Variants in RGMA observed in about 807,000 individuals in gnomAD.
RGMA encodes repulsive guidance molecule BMP co-receptor a.
Under a neutral mutation model 23.2 loss-of-function variants are expected in RGMA, and 10 were observed. That is an observed-to-expected ratio of 0.43 (90% CI 0.27 to 0.73). RGMA has a LOEUF of 0.73. RGMA is among the 30% of genes least tolerant of loss of function. RGMA has a pLI of 0.20. For missense variants in RGMA, 547 were observed against 630.5 expected, an observed-to-expected ratio of 0.87 and a Z score of 1.42; for synonymous variants, 308 against 279.3, an observed-to-expected ratio of 1.10 and a Z score of -1.03.
intron 1 of RGMA, among the ~76,000 whole-genome samples, chr15:93,084,815 A>G (rs1435017393): frequency 1.3e-5 from 2 of 152,222 alleles, no homozygotes; most frequent in Non-Finnish European, 2.9e-5. Context: ...GGAGAGACAC[A>G]TCATGGTGCA....
At chr15:93,050,298 T>C (rs4778079) in intron 3 of RGMA, among the ~76,000 whole-genome samples, 30,444 of 152,228 alleles carry the variant, frequency 0.2, 4,448 homozygotes, top group East Asian at 0.77. Context: ...AACGGAGGCC[T>C]GACAGACAGG....
chr15:93,050,104 G>A (rs1429416023), intron 3 of RGMA, among the ~76,000 whole-genome samples: 2 of 152,230 alleles, frequency 1.3e-5, no homozygotes, highest in Admixed American at 6.5e-5. Context: ...CAGAGCCAAG[G>A]CTCCCAATGG....
intron 1 of RGMA, chr15:93,088,640 T>TGTAA (rs1248148932): frequency 9.7e-7 from 1 of 1,025,914 alleles, no homozygotes; most frequent in Non-Finnish European, 1.3e-6. Context: ...CCGCACACGG[T>TGTAA]GTAAGGGACG....
In RGMA at chr15:93,045,107, T is replaced by C. The variant is rs773833544; in HGVS notation, c.1244A>G (p.Glu415Gly). The stretch of plus-strand genomic sequence containing the variant: ...CCTGCCTGGCAGGTCCCGAGTCCTC[T>C]CATACAGGTGCAGTTTGTCTTTGTT... ...HSNKDKLHLY[E>G]RTRDLPGRAA... Residue 415 changes from glutamate to glycine, a missense_variant, in exon 4 of 4, where the codon GAG becomes GGG. Physicochemically the swap from Glu to Gly is moderately conservative, Grantham distance 98. Transcript: ENST00000329082. The surrounding 1 kb of genome is among the most constrained non-coding windows in gnomAD (Gnocchi z 6.9). The C allele has an allele frequency of 6.3e-6, 10 of 1,587,966 alleles. No homozygotes were observed. The East Asian group carries it at 2.3e-4, about 36-fold the overall frequency.
In RGMA at chr15:93,045,008, A is replaced by C. The variant is rs369693912; in HGVS notation, c.1343T>G (p.Val448Gly). ...ALVPLLALLPVFC is the reference protein window; with the variant it reads ...ALVPLLALLPGFC ...TCCACATCTACGCGTCTAGCAGAAC[A>C]CAGGGAGCAGGGCCAGGAGCGGGAC... is the stretch of plus-strand genomic sequence containing the variant. The change falls in exon 4 of 4, where the codon GTG (valine) becomes GGG (glycine). Residue 448 changes from valine (V) to glycine (G), a missense_variant. Around this residue, in one of 3 missense-constraint regions of RGMA, gnomAD observed 205 missense variants for 204.1 expected, o/e 1.00. Transcript: ENST00000329082. The surrounding 1 kb of genome is among the most constrained non-coding windows in gnomAD (Gnocchi z 6.9). 1.3e-6 allele frequency: 2 copies of C among 1,599,104 alleles called. No homozygotes were observed. Among genetic ancestry groups the C allele is most frequent in the Non-Finnish European group, 1.7e-6 (2 of 1,173,396 alleles).
At chr15:93,064,403 C>T (rs548252094) in intron 2 of RGMA, among the ~76,000 whole-genome samples, 28 of 152,354 alleles carry the variant, frequency 1.8e-4, no homozygotes, top group African/African-American at 6.3e-4. Flanking sequence ...CTAGGGCTGG[C>T]GCTGCCTCTA....
chr15:93,038,309 G>C lies in RGMA; in HGVS notation c.*6689C>G, dbSNP rs1009617755. ...CTTCTTTCCATTGTTTCAAGGGTTT[G>C]GTAAGTAAGGCCAATCAGACCAAAG... On this transcript the variant is annotated 3_prime_UTR_variant, in exon 4 of 4. Coordinates refer to ENST00000329082, the MANE Select transcript of RGMA (RefSeq NM_020211.3). 2.6e-5 allele frequency: 4 copies of C among 152,242 alleles called. No homozygotes were observed. Among genetic ancestry groups the C allele is most frequent in the Admixed American group, 6.5e-5 (1 of 15,286 alleles). The allele number at this position is 152,242 out of a possible 1,614,324, so 9.4% of individuals were successfully genotyped here.
chr15:93,074,409 C>T (rs1384810000), intron 1 of RGMA, among the ~76,000 whole-genome samples: 1 of 152,184 alleles, frequency 6.6e-6, no homozygotes, highest in Non-Finnish European at 1.5e-5. Context: ...GGCCCTATGG[C>T]TGTGAAGACA....
chr15:93,080,903 G>A (rs1009558577), intron 1 of RGMA, among the ~76,000 whole-genome samples: 10 of 152,088 alleles, frequency 6.6e-5, no homozygotes, highest in East Asian at 3.9e-4. Context: ...GTCTCCCCCC[G>A]ACCACCGCTT....
At chr15:93,058,632 C>CA (rs2055051563) in intron 2 of RGMA, among the ~76,000 whole-genome samples, 1 of 152,186 alleles carries the variant, frequency 6.6e-6, no homozygotes, top group Admixed American at 6.5e-5. Context: ...CCTCATTCAA[C>CA]AGACAGGGAA....
At chr15:93,059,562 G>A (rs960360970) in intron 2 of RGMA, among the ~76,000 whole-genome samples, 1 of 152,206 alleles carries the variant, frequency 6.6e-6, no homozygotes, top group African/African-American at 2.4e-5. Flanking sequence ...TCTCCATGTG[G>A]AAAGGAAGCT....
At position 93,045,059 on chromosome 15, in the gene RGMA, G is replaced by GA. The variant is rs747948241; in HGVS notation, c.1291_1292insT (p.Ala431ValfsTer24). The GA allele has an allele frequency of 2.5e-6, 4 of 1,572,698 alleles. No homozygotes were observed. Among genetic ancestry groups the GA allele is most frequent in the South Asian group, 1.2e-5 (1 of 86,124 alleles). ...GAGGGCGCCCAGGAGGGGCCGGGGG[G>GA]CCAGGGGCAGCCCCGCAGCCGCCCT... On this transcript the variant is annotated frameshift_variant, in exon 4 of 4. Coordinates refer to ENST00000329082, the MANE Select transcript of RGMA (RefSeq NM_020211.3). LOFTEE classifies it low-confidence loss of function (END_TRUNC). The surrounding 1 kb of genome is among the most constrained non-coding windows in gnomAD (Gnocchi z 6.9).
In RGMA at chr15:93,065,624, G is replaced by A. The variant is rs1212148312; in HGVS notation, c.130+7292C>T. On this transcript the variant is annotated intron_variant, in intron 2 of 3. Transcript: ENST00000329082. Reference sequence around the variant, plus strand: ...GGTGGCGGGGTCCCCACTGTTGATAGGGGCTGAGGTCTCAGGGGCTGCGGG... The same window carrying A: ...GGTGGCGGGGTCCCCACTGTTGATAAGGGCTGAGGTCTCAGGGGCTGCGGG... 8 of 858,910 alleles carry A rather than the reference G, an allele frequency of 9.3e-6. No homozygotes were observed. In the Admixed American group the frequency reaches 1.4e-4, roughly 15 times the overall value. The allele number at this position is 858,910 out of a possible 1,614,324, so 53.2% of individuals were successfully genotyped here. A position where few individuals can be genotyped will look rare whatever the true frequency, so the allele number is the denominator to read the frequency against.
chr15:93,062,488 C>A (rs1355934241), intron 2 of RGMA, among the ~76,000 whole-genome samples: 1 of 152,176 alleles, frequency 6.6e-6, no homozygotes, highest in East Asian at 1.9e-4. Flanking sequence ...TGGCAGGAGG[C>A]GACATGCTGG....
At chr15:93,070,932 GAAAT>G (rs1190725422) in intron 2 of RGMA, among the ~76,000 whole-genome samples, 1 of 152,218 alleles carries the variant, frequency 6.6e-6, no homozygotes, top group Non-Finnish European at 1.5e-5. Context: ...TTAGGATGGA[GAAAT>G]AAATCGAGAA....
At position 93,052,323 on chromosome 15, in the gene RGMA, G is replaced by A. The variant is rs2054938260; in HGVS notation, c.315C>T (p.Gly105=). ...GDLAYHSAVH[G]IEDLMSQHNC... ...TGTGCTGGCTCATGAGGTCCTCTAT[G>A]CCATGGACGGCCGAGTGGTAGGCCA... The change falls in exon 3 of 4, where the codon GGC becomes GGT. Residue 105 remains glycine (G), a synonymous_variant. Transcript: ENST00000329082. 6.2e-7 allele frequency: 1 copy of A among 1,603,292 alleles called. No individual in the cohort carries two copies. The highest frequency in any genetic ancestry group is 8.5e-7 in the Non-Finnish European group (1 of 1,179,418).
chr15:93,084,471 TTTG>T (rs1351053957), intron 1 of RGMA, among the ~76,000 whole-genome samples: 1 of 151,952 alleles, frequency 6.6e-6, no homozygotes, highest in African/African-American at 2.4e-5. Flanking sequence ...TTTTTGTTTT[TTTG>T]TTTTTTGTTT....
intron 1 of RGMA, among the ~76,000 whole-genome samples, chr15:93,080,729 G>GT (rs1895545520): frequency 1.3e-5 from 2 of 152,118 alleles, no homozygotes; most frequent in South Asian, 4.1e-4. Context: ...CCCTTCCGTG[G>GT]TATTTGGATG....
rs1161404555 is a variant in RGMA, at chr15:93,040,828, T to C, written c.*4170A>G. The C allele has an allele frequency of 6.6e-6, 1 of 152,214 alleles. No individual in the cohort carries two copies. Among genetic ancestry groups the C allele is most frequent in the East Asian group, 1.9e-4 (1 of 5,184 alleles). 9.4% of individuals were successfully genotyped at this position (152,214 alleles called of 1,614,324 possible). A position where few individuals can be genotyped will look rare whatever the true frequency, so the allele number is the denominator to read the frequency against. Reference sequence around the variant, plus strand: ...AATTGCAGAGAGGAGGCGGCCACTTTTGGCGGCCTCCATGCGTGGTGCCAG... The same window carrying C: ...AATTGCAGAGAGGAGGCGGCCACTTCTGGCGGCCTCCATGCGTGGTGCCAG... On this transcript the variant is annotated 3_prime_UTR_variant, in exon 4 of 4. Transcript: ENST00000329082.
Sources: allele counts gnomAD v4.1 joint callset (sites outside exome capture counted in the v4.1 genomes callset), GRCh38; gene constraint gnomAD v4.1.1; regional missense constraint gnomAD v4.1.1; non-coding constraint Gnocchi (gnomAD v3.1); transcripts MANE v1.5; gene names NCBI Gene and HGNC (gene_info 2026-07-23, HGNC 2026-07-21).